Variants in LZTFL1 observed in about 807,000 individuals in gnomAD.
The protein encoded by LZTFL1 is leucine zipper transcription factor-like protein 1.
LZTFL1 carries 25 observed loss-of-function variants against 45.9 expected under a neutral mutation model. The observed-to-expected ratio is 0.54, with a 90% CI of 0.40 to 0.76. The LOEUF (loss-of-function observed/expected upper bound fraction) is 0.76, where lower values mean the gene tolerates loss of function less well. Ranked by LOEUF, LZTFL1 falls within the 30% of genes least tolerant of loss-of-function variation. LZTFL1 has a pLI of 0.00. For synonymous variants in LZTFL1, 93 were observed against 117.4 expected, an observed-to-expected ratio of 0.79 and a Z score of 1.35; for missense variants, 277 against 331.1, an observed-to-expected ratio of 0.84 and a Z score of 1.27.
At chr3:45,839,965 C>T (rs145025712) in intron 1 of LZTFL1, among the ~76,000 whole-genome samples, 1 of 152,142 alleles carries the variant, frequency 6.6e-6, no homozygotes, top group African/African-American at 2.4e-5. Context: ...TCTTTGGTAC[C>T]GTCACAGGCT....
chr3:45,837,520 C>A (rs899566914), intron 2 of LZTFL1, among the ~76,000 whole-genome samples: 3 of 152,230 alleles, frequency 2.0e-5, no homozygotes, highest in African/African-American at 7.2e-5. Flanking sequence ...CTGTTTTCCT[C>A]TCTACTAATT....
intron 3 of LZTFL1, among the ~76,000 whole-genome samples, chr3:45,857,725 T>C (rs1701416552): frequency 1.3e-5 from 2 of 152,290 alleles, no homozygotes; most frequent in East Asian, 3.9e-4. Context: ...GTAGATCTTA[T>C]CCTTTGGAGA....
intron 2 of LZTFL1, among the ~76,000 whole-genome samples, chr3:45,908,439 T>C (rs1455937646): frequency 1.3e-5 from 2 of 152,188 alleles, no homozygotes; most frequent in Non-Finnish European, 1.5e-5. Flanking sequence ...GGCGTGGTGC[T>C]CATGAAACTC....
intron 2 of LZTFL1, chr3:45,902,058 A>C: frequency 1.5e-6 from 1 of 655,476 alleles, no homozygotes; most frequent in Non-Finnish European, 2.6e-6. Flanking sequence ...GCCAAAGCAA[A>C]TATTTCAAAA....
At chr3:45,913,727 C>A (rs1415985435) in intron 1 of LZTFL1, among the ~76,000 whole-genome samples, 41 of 152,020 alleles carry the variant, frequency 2.7e-4, no homozygotes, top group Admixed American at 2.7e-3. Context: ...TTTCCCCCAC[C>A]CATTTTCAAA....
intron 2 of LZTFL1, among the ~76,000 whole-genome samples, chr3:45,881,108 G>C (rs1701850667): frequency 6.6e-6 from 1 of 152,222 alleles, no homozygotes. Flanking sequence ...TGACTCAGGT[G>C]CTGCAAGCAC....
At chr3:45,880,473 G>A (rs1247554847) in intron 2 of LZTFL1, among the ~76,000 whole-genome samples, 1 of 152,122 alleles carries the variant, frequency 6.6e-6, no homozygotes, top group East Asian at 1.9e-4. Context: ...CTGCACTCCA[G>A]CCTGGGCGAC....
chr3:45,865,178 C>T (rs553942717), intron 2 of LZTFL1, among the ~76,000 whole-genome samples: 1 of 152,190 alleles, frequency 6.6e-6, no homozygotes, highest in Non-Finnish European at 1.5e-5. Flanking sequence ...GGCAGCCTTT[C>T]CTGAGGAGAA....
chr3:45,861,928 C>G (rs1042850415), intron 2 of LZTFL1, among the ~76,000 whole-genome samples: 10 of 152,314 alleles, frequency 6.6e-5, no homozygotes, highest in African/African-American at 2.4e-4. Flanking sequence ...AGCCATGTGG[C>G]TTGCCTAAGG....
chr3:45,891,576 G>A (rs1015013589), intron 2 of LZTFL1, among the ~76,000 whole-genome samples: 2 of 152,178 alleles, frequency 1.3e-5, no homozygotes, highest in Non-Finnish European at 2.9e-5. Flanking sequence ...GCATTCTCCT[G>A]TAAAACCACA....
At chr3:45,866,429 C>T (rs1200749040) in intron 2 of LZTFL1, among the ~76,000 whole-genome samples, 2 of 152,188 alleles carry the variant, frequency 1.3e-5, no homozygotes, top group African/African-American at 2.4e-5. Flanking sequence ...GGGGCTTTTT[C>T]TTCCAGGAAA....
In LZTFL1 at chr3:45,869,448, C is replaced by T. The variant is rs185626862; in HGVS notation, c.-214-10432G>A. ...GCTCTTCTATATTTCATTTAGAAAA[C>T]ACGGTTAACGTTTCAATGAAGTAGT... On this transcript the variant is annotated intron_variant, in intron 2 of 4. Transcript: ENST00000472635. Among the ~76,000 whole-genome samples the T allele has an allele frequency of 1.3e-3, 202 of 152,282 alleles. 2 individuals are homozygous for T. Among genetic ancestry groups the T allele is most frequent in the Non-Finnish European group, 2.0e-3 (137 of 68,026 alleles).
intron 5 of LZTFL1, among the ~76,000 whole-genome samples, chr3:45,831,698 G>A (rs908853526): frequency 6.6e-6 from 1 of 152,156 alleles, no homozygotes; most frequent in African/African-American, 2.4e-5. Flanking sequence ...GCCGCCTCCT[G>A]TCTGACCACT....
At chr3:45,880,868 C>T (rs897250714) in intron 2 of LZTFL1, among the ~76,000 whole-genome samples, 3 of 152,150 alleles carry the variant, frequency 2.0e-5, no homozygotes, top group Non-Finnish European at 1.5e-5. Flanking sequence ...TCTGTCTGTA[C>T]TGATTCTCTG....
chr3:45,877,562 G>T (rs1415139133), intron 2 of LZTFL1, among the ~76,000 whole-genome samples: 5 of 151,776 alleles, frequency 3.3e-5, no homozygotes, highest in Non-Finnish European at 1.5e-5. Context: ...CTGGACACCT[G>T]CCCACAGAAC....
chr3:45,836,286 T>C (rs531260295), intron 2 of LZTFL1, among the ~76,000 whole-genome samples: 3 of 152,090 alleles, frequency 2.0e-5, no homozygotes, highest in Non-Finnish European at 4.4e-5. Flanking sequence ...ATAATAATAA[T>C]AAAAACTAGC....
chr3:45,901,889 C>A lies in LZTFL1; in HGVS notation c.-215+11231G>T. ...TGCTGGAGACAACCTCAGGAGCACTCTCCCTCTGAGGGGTCTTCTCTGAGG... is the reference window on the plus strand; with the variant it reads ...TGCTGGAGACAACCTCAGGAGCACTATCCCTCTGAGGGGTCTTCTCTGAGG... On this transcript the variant is annotated intron_variant, in intron 2 of 4. Coordinates refer to the LZTFL1 transcript ENST00000472635. The surrounding 1 kb of genome is among the most constrained non-coding windows in gnomAD (Gnocchi z 4.3). 2 of 1,594,936 alleles carry A rather than the reference C, an allele frequency of 1.3e-6. No individual in the cohort carries two copies. The highest frequency in any genetic ancestry group is 1.7e-5 in the Admixed American group (1 of 58,634).
intron 2 of LZTFL1, among the ~76,000 whole-genome samples, chr3:45,871,451 C>A (rs189646285): frequency 1.3e-5 from 2 of 152,240 alleles, no homozygotes; most frequent in Admixed American, 6.5e-5. Context: ...AGATAGAGCA[C>A]CTTTTCATAT....
chr3:45,893,349 T>C (rs1702250101), intron 2 of LZTFL1, among the ~76,000 whole-genome samples: 1 of 152,102 alleles, frequency 6.6e-6, no homozygotes, highest in Non-Finnish European at 1.5e-5. Context: ...GAAATGGGGT[T>C]TCACCATGTT....
Sources: gnomAD v4.1 joint callset for allele counts (sites outside exome capture counted in the v4.1 genomes callset) on GRCh38, gnomAD v4.1.1 for gene constraint, Gnocchi (gnomAD v3.1) non-coding constraint, MANE v1.5 for transcripts, NCBI Gene and HGNC (gene_info 2026-07-23, HGNC 2026-07-21) for gene names.